The following EFCAB5 variants were observed in gnomAD, a reference collection of about 807,000 sequenced individuals.
EFCAB5 encodes EF-hand calcium-binding domain-containing protein 5.
Under a neutral mutation model 167.9 loss-of-function variants are expected in EFCAB5, and 131 were observed. That is an observed-to-expected ratio of 0.78 (90% CI 0.68 to 0.90). EFCAB5 has a LOEUF of 0.90. Ranked by LOEUF, EFCAB5 falls within the 40% of genes least tolerant of loss-of-function variation. EFCAB5 has a pLI of 0.00. For synonymous variants in EFCAB5, 574 were observed against 602.8 expected (o/e 0.95, Z 0.70); for missense variants, 1,663 against 1,745.2 (o/e 0.95, Z 0.84).
At chr17:30,058,589 C>T (rs1355215344) in intron 13 of EFCAB5, among the ~76,000 whole-genome samples, 2 of 151,990 alleles carry the variant, frequency 1.3e-5, no homozygotes, top group Non-Finnish European at 2.9e-5. Flanking sequence ...CTAGTGAAAA[C>T]TCTAAAAGAT....
At chr17:30,023,754 T>C (rs2069242945) in intron 7 of EFCAB5, among the ~76,000 whole-genome samples, 1 of 152,140 alleles carries the variant, frequency 6.6e-6, no homozygotes, top group Non-Finnish European at 1.5e-5. Context: ...ACTAATATCC[T>C]TGATGAACAT....
intron 3 of EFCAB5, among the ~76,000 whole-genome samples, chr17:29,961,171 G>A (rs1359386027): frequency 6.6e-6 from 1 of 152,110 alleles, no homozygotes; most frequent in African/African-American, 2.4e-5. Context: ...ATGTGAAGTG[G>A]TATCTCATTG....
At chr17:29,999,770 G>A in intron 6 of EFCAB5, 136 bp from the exon 7 acceptor site, 2 of 537,214 alleles carry the variant, frequency 3.7e-6, no homozygotes, top group Non-Finnish European at 6.1e-6. Flanking sequence ...CCAACTATAT[G>A]TAATTCACTT....
At chr17:30,006,865 C>T (rs904918154) in intron 7 of EFCAB5, among the ~76,000 whole-genome samples, 9 of 152,104 alleles carry the variant, frequency 5.9e-5, no homozygotes, top group Non-Finnish European at 8.8e-5. Context: ...CTATGTTGCC[C>T]GGGCTGGTCT....
chr17:30,105,251 C>A (rs1228313273), intron 22 of EFCAB5, among the ~76,000 whole-genome samples: 5 of 151,968 alleles, frequency 3.3e-5, no homozygotes, highest in Non-Finnish European at 7.4e-5. Context: ...ATCCCAGCAC[C>A]TTGGGAGGCC....
At chr17:30,078,164 C>A (rs1450729580) in intron 14 of EFCAB5, 51 bp from the exon 15 acceptor site, 2 of 1,536,496 alleles carry the variant, frequency 1.3e-6, no homozygotes, top group Admixed American at 2.0e-5. Flanking sequence ...ATCCCCCCCA[C>A]CAATGAGTGA....
intron 5 of EFCAB5, among the ~76,000 whole-genome samples, chr17:29,994,562 T>C (rs1436875595): frequency 6.6e-6 from 1 of 152,052 alleles, no homozygotes; most frequent in Non-Finnish European, 1.5e-5. Context: ...CTTCAAAAAG[T>C]GTGTGGAAAA....
chr17:30,040,901 T>C (rs1455027065), intron 8 of EFCAB5, among the ~76,000 whole-genome samples: 1 of 152,164 alleles, frequency 6.6e-6, no homozygotes, highest in Non-Finnish European at 1.5e-5. Context: ...TGTTTTTGCT[T>C]CCTTAAACCT....
intron 18 of EFCAB5, among the ~76,000 whole-genome samples, chr17:30,085,484 G>T (rs981755175): frequency 1.3e-5 from 2 of 152,200 alleles, no homozygotes; most frequent in African/African-American, 4.8e-5. Flanking sequence ...ACTTTGGGAG[G>T]CTGAGGCGGG....
rs952597018 is a variant in EFCAB5 at position 29,985,253 on chromosome 17, C to G, written c.768-7912C>G. 1.2e-3 allele frequency among the ~76,000 whole-genome samples: 190 copies of G among 152,294 alleles called. 1 individual carries two copies. The highest frequency in any genetic ancestry group is 5.8e-3 in the Admixed American group (88 of 15,294). On this transcript the variant is annotated intron_variant, in intron 4 of 22. Coordinates refer to ENST00000394835, the MANE Select transcript of EFCAB5 (RefSeq NM_198529.4). ...TGCTCAGCACTTCAGCAGTGGCTGGCAAAGCATGAGACTTTGGCTAGATAA... is the reference window on the plus strand; with the variant it reads ...TGCTCAGCACTTCAGCAGTGGCTGGGAAAGCATGAGACTTTGGCTAGATAA...
chr17:30,001,923 T>C (rs942806778), intron 7 of EFCAB5, among the ~76,000 whole-genome samples: 5 of 152,200 alleles, frequency 3.3e-5, no homozygotes, highest in African/African-American at 1.2e-4. Flanking sequence ...GGTTGAACAC[T>C]TGCCTTGAGA....
intron 22 of EFCAB5, among the ~76,000 whole-genome samples, chr17:30,096,860 A>G (rs1015958500): frequency 4.1e-5 from 6 of 145,196 alleles, no homozygotes; most frequent in African/African-American, 1.0e-4. Context: ...TTGTATTTTT[A>G]GTAGAGACGG....
chr17:30,024,283 C>G (rs1287031996), intron 7 of EFCAB5, among the ~76,000 whole-genome samples: 3 of 152,022 alleles, frequency 2.0e-5, no homozygotes, highest in African/African-American at 7.3e-5. Flanking sequence ...CTAGAAAACC[C>G]CATTGTCTCA....
intron 7 of EFCAB5, among the ~76,000 whole-genome samples, chr17:30,022,737 G>A (rs900539956): frequency 2.6e-5 from 4 of 152,148 alleles, no homozygotes; most frequent in African/African-American, 7.2e-5. Context: ...TATAAGTCAA[G>A]TGTTTAGAAA....
At chr17:30,054,750 A>G (rs139689608) in intron 10 of EFCAB5, among the ~76,000 whole-genome samples, 2 of 152,298 alleles carry the variant, frequency 1.3e-5, no homozygotes, top group East Asian at 3.9e-4. Flanking sequence ...CAATTCATAC[A>G]TTTTTAACTG....
chr17:29,942,270 T>A lies in EFCAB5; in HGVS notation c.73T>A (p.Trp25Arg). 1 of 1,591,710 alleles carries A rather than the reference T, an allele frequency of 6.3e-7. No individual in the cohort carries two copies. Among genetic ancestry groups the A allele is most frequent in the Non-Finnish European group, 8.6e-7 (1 of 1,168,762 alleles). ...CAGAAAAGAAGACAAAGAGAGGAAATGGAACTTAACTGAAGTGAAAGAGCT... is the reference window on the plus strand; with the variant it reads ...CAGAAAAGAAGACAAAGAGAGGAAAAGGAACTTAACTGAAGTGAAAGAGCT... ...ENRKEDKERK[W>R]NLTEVKELHE... Residue 25 changes from tryptophan (W) to arginine (R), a missense_variant, in exon 2 of 23, where the codon TGG (tryptophan) becomes AGG (arginine). Physicochemically the swap from Trp to Arg is moderately radical, Grantham distance 101. Transcript: ENST00000394835.
At chr17:29,991,933 G>A (rs889455614) in intron 4 of EFCAB5, among the ~76,000 whole-genome samples, 6 of 151,996 alleles carry the variant, frequency 3.9e-5, no homozygotes, top group African/African-American at 1.5e-4. Context: ...TACATTTGCA[G>A]GGTCAAAGTG....
chr17:30,076,251 T>C (rs1397353211), intron 14 of EFCAB5, among the ~76,000 whole-genome samples: 1 of 152,188 alleles, frequency 6.6e-6, no homozygotes, highest in Non-Finnish European at 1.5e-5. Flanking sequence ...AGAAAGTGTC[T>C]TCTTCCTAAT....
chr17:30,079,937 T>G (rs1215921052), intron 15 of EFCAB5, 135 bp from the exon 16 acceptor site: 2 of 1,030,816 alleles, frequency 1.9e-6, no homozygotes, highest in African/African-American at 1.6e-5. Context: ...TGCCCATGAA[T>G]AGTAATATAT....
Sources: gnomAD v4.1 joint callset for allele counts (sites outside exome capture counted in the v4.1 genomes callset) on GRCh38, gnomAD v4.1.1 for gene constraint, MANE v1.5 for transcripts, NCBI Gene and HGNC (gene_info 2026-07-23, HGNC 2026-07-21) for gene names.